NR6A1: variants seen among roughly 807,000 people sequenced by gnomAD.
NR6A1 encodes the protein retinoic acid receptor-related testis-associated receptor.
A neutral mutation model predicts 59.1 loss-of-function variants in NR6A1; 7 were observed. That is an observed-to-expected ratio of 0.12 (90% CI 0.07 to 0.22). The LOEUF is 0.22. Ranked by LOEUF, NR6A1 falls within the 10% of genes least tolerant of loss-of-function variation. The pLI, the probability that NR6A1 is intolerant of heterozygous loss-of-function variation, is 1.00. For missense variants in NR6A1, 468 were observed against 611.6 expected (o/e 0.77, Z 2.48); for synonymous variants, 243 against 236.1 (o/e 1.03, Z -0.27).
chr9:124,568,688 C>G (rs1041909884), intron 2 of NR6A1, among the ~76,000 whole-genome samples: 2 of 151,754 alleles, frequency 1.3e-5, no homozygotes, highest in Admixed American at 6.6e-5. Flanking sequence ...GTGATTCACC[C>G]AAGGACACAG....
At chr9:124,687,717 T>G (rs1838382003) in intron 2 of NR6A1, among the ~76,000 whole-genome samples, 1 of 152,164 alleles carries the variant, frequency 6.6e-6, no homozygotes, top group South Asian at 2.1e-4. Context: ...AAAACCAGAA[T>G]TAGTAGTCAA....
At chr9:124,568,590 G>C (rs1432162027) in intron 2 of NR6A1, among the ~76,000 whole-genome samples, 1 of 151,702 alleles carries the variant, frequency 6.6e-6, no homozygotes, top group Non-Finnish European at 1.5e-5. Context: ...TGAAAAGTAA[G>C]ACAAGTTAAA....
chr9:124,527,764 G>A (rs1393512420), intron 7 of NR6A1, among the ~76,000 whole-genome samples: 1 of 145,226 alleles, frequency 6.9e-6, no homozygotes, highest in East Asian at 1.9e-4. Flanking sequence ...GTCTAGGAGT[G>A]AGCTCTCTGA....
intron 2 of NR6A1, among the ~76,000 whole-genome samples, chr9:124,647,861 T>C (rs1836984426): frequency 6.6e-6 from 1 of 152,110 alleles, no homozygotes; most frequent in African/African-American, 2.4e-5. Flanking sequence ...ATGATGGTTT[T>C]GCTGCTGAAT....
chr9:124,522,814 G>A (rs1484938112), intron 9 of NR6A1, 21 bp from the exon 10 acceptor site: 2 of 1,559,608 alleles, frequency 1.3e-6, no homozygotes, highest in Non-Finnish European at 1.7e-6. Context: ...GGGGGGAGAA[G>A]AAGAGTTAGC....
At chr9:124,768,120 T>A (rs1217339033) in intron 1 of NR6A1, among the ~76,000 whole-genome samples, 1 of 152,152 alleles carries the variant, frequency 6.6e-6, no homozygotes, top group African/African-American at 2.4e-5. Flanking sequence ...TAAAAACCAT[T>A]CAAAGGACTG....
rs148472095 is a variant in NR6A1 at position 124,611,774 on chromosome 9, A to AGAGAGAGAGAGAAAGAGAAT, written c.143-57205_143-57204insATTCTCTTTCTCTCTCTCTC. Among the ~76,000 whole-genome samples the AGAGAGAGAGAGAAAGAGAAT allele has an allele frequency of 1.9e-5, 2 of 105,668 alleles. 1 individual carries two copies. Among genetic ancestry groups the AGAGAGAGAGAGAAAGAGAAT allele is most frequent in the Admixed American group, 2.1e-4 (2 of 9,482 alleles). 69.3% of individuals were successfully genotyped at this position (105,668 alleles called of 152,430 possible). A position where few individuals can be genotyped will look rare whatever the true frequency, so the allele number is the denominator to read the frequency against. On this transcript the variant is annotated intron_variant, in intron 2 of 9. Coordinates refer to ENST00000487099, the MANE Select transcript of NR6A1 (RefSeq NM_033334.4). ...TAGAGAGAGAGAGAGAGAGAGAGAG[A>AGAGAGAGAGAGAAAGAGAAT]GAGAGAGAATGAGAGAGAATGAGAG... is the stretch of plus-strand genomic sequence containing the variant.
chr9:124,714,662 C>G (rs1839365458), intron 2 of NR6A1, among the ~76,000 whole-genome samples: 1 of 152,034 alleles, frequency 6.6e-6, no homozygotes, highest in African/African-American at 2.4e-5. Flanking sequence ...TTTAAAGTTA[C>G]TAGAACTAAC....
Position 124,588,035 on chromosome 9 carries a change from T to A in NR6A1, c.143-33465A>T, listed in dbSNP as rs550390436. 2.6e-5 allele frequency among the ~76,000 whole-genome samples: 4 copies of A among 152,262 alleles called. No homozygotes were observed. In the East Asian group the frequency reaches 5.8e-4, roughly 22 times the overall value. On this transcript the variant is annotated intron_variant, in intron 2 of 9. Transcript: ENST00000487099. The stretch of plus-strand genomic sequence containing the variant: ...AAACTAGAACTCCTCTCTCCTCAGC[T>A]CCTCACAAGACATTTATCATTCTCC...
intron 2 of NR6A1, among the ~76,000 whole-genome samples, chr9:124,656,607 G>A (rs1837266647): frequency 6.6e-6 from 1 of 152,114 alleles, no homozygotes; most frequent in African/African-American, 2.4e-5. Context: ...CAAGGTGGGT[G>A]GATCACTTGA....
At chr9:124,715,881 C>G (rs1053879121) in intron 2 of NR6A1, among the ~76,000 whole-genome samples, 2 of 152,178 alleles carry the variant, frequency 1.3e-5, no homozygotes, top group Non-Finnish European at 2.9e-5. Flanking sequence ...TATAAATAGA[C>G]TCACAATTAT....
chr9:124,560,590 C>T (rs532661455), intron 2 of NR6A1, among the ~76,000 whole-genome samples: 16 of 152,062 alleles, frequency 1.1e-4, no homozygotes, highest in Admixed American at 2.0e-4. Context: ...GACGGAGTTT[C>T]GCTCTTGTCG....
intron 2 of NR6A1, among the ~76,000 whole-genome samples, chr9:124,639,418 C>T (rs745585031): frequency 6.6e-6 from 1 of 152,212 alleles, no homozygotes; most frequent in Non-Finnish European, 1.5e-5. Flanking sequence ...GTGAGCTAGA[C>T]ATAGACAGCA....
chr9:124,731,867 T>G (rs78319768), intron 2 of NR6A1, among the ~76,000 whole-genome samples: 1 of 152,180 alleles, frequency 6.6e-6, no homozygotes, highest in African/African-American at 2.4e-5. Flanking sequence ...AATAAAGTTT[T>G]TGAGGAGTCA....
chr9:124,707,976 T>C (rs1256705274), intron 2 of NR6A1, among the ~76,000 whole-genome samples: 5 of 152,184 alleles, frequency 3.3e-5, no homozygotes, highest in Admixed American at 1.3e-4. Flanking sequence ...CACACATCTT[T>C]GCATTGGTCA....
intron 2 of NR6A1, among the ~76,000 whole-genome samples, chr9:124,624,359 G>A (rs781038831): frequency 5.9e-5 from 9 of 152,214 alleles, no homozygotes; most frequent in African/African-American, 1.2e-4. Flanking sequence ...TCAGACAGAT[G>A]AGAATGTTAC....
At chr9:124,642,195 G>A (rs1377335881) in intron 2 of NR6A1, among the ~76,000 whole-genome samples, 5 of 151,984 alleles carry the variant, frequency 3.3e-5, no homozygotes, top group East Asian at 1.9e-4. Context: ...GATTACAAGC[G>A]CACACCACCA....
At chr9:124,635,363 G>A (rs768145027) in intron 2 of NR6A1, among the ~76,000 whole-genome samples, 10 of 152,196 alleles carry the variant, frequency 6.6e-5, no homozygotes, top group Non-Finnish European at 1.2e-4. Flanking sequence ...GCATCATGGT[G>A]TTGGTTTTCC....
chr9:124,583,817 C>T (rs1248444157), intron 2 of NR6A1, among the ~76,000 whole-genome samples: 2 of 152,194 alleles, frequency 1.3e-5, no homozygotes. Flanking sequence ...TGATAGCCCT[C>T]TGCACAACTT....
Sources: allele counts gnomAD v4.1 joint callset (sites outside exome capture counted in the v4.1 genomes callset), GRCh38; gene constraint gnomAD v4.1.1; transcripts MANE v1.5; gene names NCBI Gene and HGNC (gene_info 2026-07-23, HGNC 2026-07-21).